Variants in FCER2 observed in about 807,000 individuals in gnomAD.
FCER2 encodes the protein low affinity immunoglobulin epsilon Fc receptor.
A neutral mutation model predicts 49.7 loss-of-function variants in FCER2; 38 were observed. The observed-to-expected ratio is 0.76, with a 90% confidence interval of 0.59 to 1.00. The LOEUF is 1.00. FCER2 is among the 50% of genes least tolerant of loss of function. The pLI, the probability that FCER2 is intolerant of heterozygous loss-of-function variation, is 0.00. For synonymous variants in FCER2, 163 were observed against 164.6 expected, an observed-to-expected ratio of 0.99 and a Z score of 0.07; for missense variants, 425 against 419.5, an observed-to-expected ratio of 1.01 and a Z score of -0.11.
chr19:7,690,146 G>A lies in FCER2; in HGVS notation c.728+13C>T, dbSNP rs1253314009. On this transcript the variant is annotated intron_variant, in intron 10 of 10. Coordinates refer to ENST00000597921, the MANE Select transcript of FCER2 (RefSeq NM_001220500.2). ...CCATCTCCTCCCCTGGATCCCAGAGGCCCCCTCCTCACCTGTAGTCCACGT... is the reference window on the plus strand; with the variant it reads ...CCATCTCCTCCCCTGGATCCCAGAGACCCCCTCCTCACCTGTAGTCCACGT... 8 of 1,529,448 alleles carry A rather than the reference G, an allele frequency of 5.2e-6. No individual in the cohort carries two copies. In the Middle Eastern group the frequency reaches 5.1e-4, roughly 97 times the overall value. The allele number at this position is 1,529,448 out of a possible 1,614,324, so 94.7% of individuals were successfully genotyped here.
rs563362886 is a variant in FCER2 at position 7,692,904 on chromosome 19, A to T, written c.470-2347T>A. 2.4e-4 allele frequency among the ~76,000 whole-genome samples: 37 copies of T among 152,072 alleles called. No homozygotes were observed. In the East Asian group the frequency reaches 7.1e-3, roughly 29 times the overall value. ...TAACACTTCAACCACCATCATCACC[A>T]CAAACACCTCATAGCCAACAGTGCC... On this transcript the variant is annotated intron_variant, in intron 8 of 10. Coordinates refer to ENST00000597921, the MANE Select transcript of FCER2 (RefSeq NM_001220500.2).
At chr19:7,699,435 G>T in intron 2 of FCER2, 1 of 1,455,822 alleles carries the variant, frequency 6.9e-7, no homozygotes, top group Non-Finnish European at 9.1e-7. Context: ...TGTTCTATTT[G>T]GCCTCTGACT....
chr19:7,691,733 T>TC (rs1226862759), intron 8 of FCER2, among the ~76,000 whole-genome samples: 10 of 150,568 alleles, frequency 6.6e-5, no homozygotes, highest in Non-Finnish European at 1.2e-4. Flanking sequence ...GTCACCAACA[T>TC]CATCTCCACA....
chr19:7,700,903 C>T (rs1480593931), intron 1 of FCER2, among the ~76,000 whole-genome samples: 1 of 151,196 alleles, frequency 6.6e-6, no homozygotes, highest in Non-Finnish European at 1.5e-5. Context: ...CTCCACCTCC[C>T]GGGTTCAAGC....
At position 7,690,208 on chromosome 19, in the gene FCER2, C is replaced by T; in HGVS notation, c.679G>A (p.Asp227Asn). Residue 227 changes from aspartate (D) to asparagine (N), a missense_variant, in exon 10 of 11, where the codon GAC becomes AAC. Physicochemically the swap from Asp to Asn is conservative, Grantham distance 23 (BLOSUM62 1). Coordinates refer to ENST00000597921, the MANE Select transcript of FCER2 (RefSeq NM_001220500.2). ...ACCCAGATAAACTCCCCCTTCAGGT[C>T]CAAGTTCCGAAGGCCAATCCAGGAG... ...TGSWIGLRNL[D>N]LKGEFIWVDG... The T allele has an allele frequency of 6.2e-7, 1 of 1,614,130 alleles. No homozygotes were observed. Among genetic ancestry groups the T allele is most frequent in the Non-Finnish European group, 8.5e-7 (1 of 1,179,974 alleles).
chr19:7,698,812 G>A lies in FCER2; in HGVS notation c.65C>T (p.Thr22Ile), dbSNP rs777173432. The change falls in exon 3 of 11, where the codon ACT (threonine) becomes ATT (isoleucine). Residue 22 changes from threonine (T) to isoleucine (I), a missense_variant. By Grantham distance (89) the Thr-to-Ile change is moderately conservative. Coordinates refer to ENST00000597921, the MANE Select transcript of FCER2 (RefSeq NM_001220500.2). ...LPRRRCCRRG[T>I]QIVLLGLVTA... ...CACCAGCCCCAGCAGCACGATCTGAGTCCCACGCCTGCAACACCGCCTCCT... is the reference window on the plus strand; with the variant it reads ...CACCAGCCCCAGCAGCACGATCTGAATCCCACGCCTGCAACACCGCCTCCT... 6.2e-7 allele frequency: 1 copy of A among 1,612,048 alleles called. No homozygotes were observed. Among genetic ancestry groups the A allele is most frequent in the Non-Finnish European group, 8.5e-7 (1 of 1,179,292 alleles).
In FCER2 at chr19:7,698,744, A is replaced by T. The variant is rs551858136; in HGVS notation, c.133T>A (p.Trp45Arg). ...WAGLLTLLLLWHWDTTQSLKQ... is the reference protein window; with the variant it reads ...WAGLLTLLLLRHWDTTQSLKQ... ...ATGGAGCTGGGGGTGTCCTCACGCC[A>T]CAGGAGAAGCAGAGTCAGCAGCCCA... The change falls in exon 3 of 11, where the codon TGG (tryptophan) becomes AGG (arginine). Residue 45 changes from tryptophan (W) to arginine (R), a missense_variant. Coordinates refer to ENST00000597921, the MANE Select transcript of FCER2 (RefSeq NM_001220500.2). 1 of 1,612,466 alleles carries T rather than the reference A, an allele frequency of 6.2e-7. No individual in the cohort carries two copies. The highest frequency in any genetic ancestry group is 1.3e-5 in the African/African-American group (1 of 74,958).
Position 7,689,204 on chromosome 19 carries a change from GA to G in FCER2, c.954del (p.Leu319SerfsTer43), listed in dbSNP as rs376822599. On this transcript the variant is annotated frameshift_variant, in exon 11 of 11. Transcript: ENST00000597921. LOFTEE classifies it high-confidence loss of function. ...PDGRLPTPSA[P>X]LHS The stretch of plus-strand genomic sequence containing the variant: ...GGCTGTATCCATGCTCAAGAGTGGA[GA>G]GGGGCAGAGGGGGTGGGCAGGCGGC... The G allele has an allele frequency of 4.4e-4, 711 of 1,608,926 alleles. 2 individuals carry two copies. The African/African-American group carries it at 8.4e-3, about 19-fold the overall frequency.
intron 6 of FCER2, 38 bp downstream of exon 6, chr19:7,697,198 C>T: frequency 1.9e-6 from 3 of 1,611,998 alleles, no homozygotes; most frequent in Non-Finnish European, 2.5e-6. Flanking sequence ...CTCCTTCCCA[C>T]CCAATCTGGC....
intron 2 of FCER2, chr19:7,699,485 T>C (rs2033106209): frequency 7.4e-7 from 1 of 1,351,170 alleles, no homozygotes; most frequent in Non-Finnish European, 9.6e-7. Flanking sequence ...CCGTTTTTTT[T>C]TTTTTTTCTT....
At chr19:7,695,095 C>G (rs1439525074) in intron 8 of FCER2, among the ~76,000 whole-genome samples, 3 of 152,176 alleles carry the variant, frequency 2.0e-5, no homozygotes, top group Non-Finnish European at 4.4e-5. Flanking sequence ...CTCGGCCTCC[C>G]AAAGTGCTGG....
chr19:7,692,509 C>T (rs2146270851), intron 8 of FCER2, among the ~76,000 whole-genome samples: 2 of 152,200 alleles, frequency 1.3e-5, no homozygotes, highest in South Asian at 4.2e-4. Context: ...AGCACATTCA[C>T]ATCCAATAAC....
At chr19:7,695,560 G>A (rs34597687) in intron 8 of FCER2, among the ~76,000 whole-genome samples, 27,855 of 152,046 alleles carry the variant, frequency 0.18, 3,112 homozygotes, top group African/African-American at 0.3. Flanking sequence ...AGGATTGCTG[G>A]AGCCCAGGAG....
At position 7,697,260 on chromosome 19, in the gene FCER2, C is replaced by A. The variant is rs1449571976; in HGVS notation, c.292G>T (p.Glu98Ter). ...ISQELEELRA[E>*]QQRLKSQDLE... is the part of the protein sequence containing the mutation. ...CCCTGAGATTTCAATCTCTGCTGTT[C>A]AGCTCGAAGTTCCTCCAGTTCCTGT... The change falls in exon 6 of 11, where the codon GAA becomes TAA. Residue 98 changes from glutamate to a stop codon, truncating the protein, a stop_gained. Transcript: ENST00000597921. LOFTEE classifies it high-confidence loss of function. The A allele has an allele frequency of 3.1e-6, 5 of 1,614,158 alleles. No individual in the cohort carries two copies. Among genetic ancestry groups the A allele is most frequent in the Non-Finnish European group, 4.2e-6 (5 of 1,180,018 alleles).
Position 7,692,383 on chromosome 19 carries a change from C to T in FCER2, c.470-1826G>A, listed in dbSNP as rs796865690. Among the ~76,000 whole-genome samples the T allele has an allele frequency of 9.2e-5, 9 of 97,828 alleles. 1 individual carries two copies. The East Asian group carries it at 1.2e-3, about 13-fold the overall frequency. 64.2% of individuals were successfully genotyped at this position (97,828 alleles called of 152,430 possible). ...ACATTCATGCCCAACAACACATCAACCACCAACACCTTTGCCACAAACACA... is the reference window on the plus strand; with the variant it reads ...ACATTCATGCCCAACAACACATCAATCACCAACACCTTTGCCACAAACACA... On this transcript the variant is annotated intron_variant, in intron 8 of 10. Coordinates refer to ENST00000597921, the MANE Select transcript of FCER2 (RefSeq NM_001220500.2).
intron 8 of FCER2, among the ~76,000 whole-genome samples, chr19:7,692,691 C>T (rs2032915566): frequency 8.7e-5 from 13 of 148,976 alleles, no homozygotes; most frequent in African/African-American, 3.1e-4. Context: ...TCACCACAAA[C>T]ACCTCATGGC....
rs998832990 is a variant in FCER2, at chr19:7,697,644, AC to A, written c.191-56del. ...AGGAACCTCAAAGGCAGGTCCTTGG[AC>A]CCCGCCTATGCCCCAGGCTCAGGGA... On this transcript the variant is annotated intron_variant, in intron 4 of 10. Transcript: ENST00000597921. 3.3e-5 allele frequency: 48 copies of A among 1,466,102 alleles called. No homozygotes were observed. In the African/African-American group the frequency reaches 6.1e-4, roughly 19 times the overall value. 90.8% of individuals were successfully genotyped at this position (1,466,102 alleles called of 1,614,324 possible).
chr19:7,691,118 T>C (rs1220140938), intron 8 of FCER2, among the ~76,000 whole-genome samples: 120 of 152,070 alleles, frequency 7.9e-4, no homozygotes, highest in Non-Finnish European at 1.4e-3. Flanking sequence ...AACACACTCA[T>C]GTCCAATAAT....
intron 8 of FCER2, among the ~76,000 whole-genome samples, chr19:7,696,552 A>G (rs943935990): frequency 6.6e-6 from 1 of 152,032 alleles, no homozygotes; most frequent in Non-Finnish European, 1.5e-5. Context: ...CCTTCTCTTA[A>G]AAAATAAAAT....
Sources: gnomAD v4.1 joint callset for allele counts (sites outside exome capture counted in the v4.1 genomes callset) on GRCh38, gnomAD v4.1.1 for gene constraint, MANE v1.5 for transcripts, NCBI Gene and HGNC (gene_info 2026-07-23, HGNC 2026-07-21) for gene names.